Variants in GALNT15 observed in about 807,000 individuals in gnomAD.
GALNT15 encodes the protein UDP-GalNAc transferase T15.
Under a neutral mutation model 66.8 loss-of-function variants are expected in GALNT15, and 67 were observed. That is an observed-to-expected ratio of 1.00 (90% CI 0.82 to 1.23). The LOEUF (loss-of-function observed/expected upper bound fraction) is 1.23. Among genes scored for constraint, GALNT15 ranks in the 50% most tolerant of loss-of-function variants. The pLI, the probability that GALNT15 is intolerant of heterozygous loss-of-function variation, is 0.00. For synonymous variants in GALNT15, 313 were observed against 311.5 expected, an observed-to-expected ratio of 1.00 and a Z score of -0.05; for missense variants, 827 against 804.3, an observed-to-expected ratio of 1.03 and a Z score of -0.34.
At chr3:16,215,916 A>AAACAACAAAAAAAAAAAAAAAAC (rs1019009823) in intron 6 of GALNT15, among the ~76,000 whole-genome samples, 27 of 143,530 alleles carry the variant, frequency 1.9e-4, no homozygotes, top group South Asian at 9.9e-4. Context: ...CAAAAAAAAA[A>AAACAACAAAAAAAAAAAAAAAAC]AAAAAAAAAG....
chr3:16,210,606 T>C (rs2063801874), intron 4 of GALNT15, among the ~76,000 whole-genome samples: 1 of 152,218 alleles, frequency 6.6e-6, no homozygotes, highest in South Asian at 2.1e-4. Flanking sequence ...ATAAATCATG[T>C]ATTTTTCCCC....
At chr3:16,208,397 A>G in intron 3 of GALNT15, 106 bp from the exon 4 acceptor site, 1 of 1,050,450 alleles carries the variant, frequency 9.5e-7, no homozygotes, top group Non-Finnish European at 1.4e-6. Flanking sequence ...CATTTTAGGT[A>G]CGGGTGTCTG....
the GALNT15 span, among the ~76,000 whole-genome samples, chr3:16,247,884 C>T: frequency 3.9e-5 from 6 of 152,118 alleles, no homozygotes; most frequent in Non-Finnish European, 5.9e-5. Context: ...GACACGTCAC[C>T]CAGCACACAC....
In GALNT15 at chr3:16,203,303, G is replaced by A. The variant is rs2063720961; in HGVS notation, c.911+2480G>A. Among the ~76,000 whole-genome samples, 2 of 151,922 alleles carry A rather than the reference G, an allele frequency of 1.3e-5. No homozygotes were observed. Among genetic ancestry groups the A allele is most frequent in the South Asian group, 2.1e-4 (1 of 4,816 alleles). ...GTCCCTCGTATCTGCTTCTCACATC[G>A]GGGCCCCATTTCCCAGAGCTAGGTG... On this transcript the variant is annotated intron_variant, in intron 3 of 9. Coordinates refer to ENST00000339732, the MANE Select transcript of GALNT15 (RefSeq NM_054110.5). This position sits in a 1 kb window ranked among gnomAD's most constrained non-coding sequence, Gnocchi z 6.2.
chr3:16,211,226 C>G lies in GALNT15; in HGVS notation c.1182C>G (p.Leu394=). 6.2e-7 allele frequency: 1 copy of G among 1,610,108 alleles called. No individual in the cohort carries two copies. Among genetic ancestry groups the G allele is most frequent in the Non-Finnish European group, 8.5e-7 (1 of 1,176,398 alleles). ...TGTCGCTGCGAGGTGGTGAAAACCT[C>G]GAACTGTCTTTCAAGGTATGTCCTG... ...SLMSLRGGEN[L]ELSFKAWLCG... is the part of the protein sequence containing the mutation. Residue 394 remains leucine, a synonymous_variant, in exon 5 of 10, where the codon CTC becomes CTG. Coordinates refer to ENST00000339732, the MANE Select transcript of GALNT15 (RefSeq NM_054110.5). This position sits in a 1 kb window ranked among gnomAD's most constrained non-coding sequence, Gnocchi z 4.3.
intron 6 of GALNT15, among the ~76,000 whole-genome samples, chr3:16,218,267 C>G (rs532965091): frequency 1.3e-5 from 2 of 152,232 alleles, no homozygotes; most frequent in South Asian, 4.1e-4. Flanking sequence ...CCTGGTGGAC[C>G]CGTGTCTTAC....
intron 6 of GALNT15, among the ~76,000 whole-genome samples, chr3:16,214,821 G>A (rs1392539490): frequency 1.3e-5 from 2 of 152,224 alleles, no homozygotes; most frequent in African/African-American, 4.8e-5. Flanking sequence ...GAGCCCCTGA[G>A]GGTCAGGCTA....
chr3:16,245,512 A>T, the GALNT15 span, among the ~76,000 whole-genome samples: 1 of 152,244 alleles, frequency 6.6e-6, no homozygotes, highest in Non-Finnish European at 1.5e-5. Context: ...GGCTGGTCCT[A>T]CATCCTAAAC....
At chr3:16,197,713 A>G (rs1423467723) in intron 2 of GALNT15, among the ~76,000 whole-genome samples, 2 of 152,206 alleles carry the variant, frequency 1.3e-5, no homozygotes, top group African/African-American at 4.8e-5. Context: ...ACACCAAATC[A>G]TTAAATCAGA....
the GALNT15 span, among the ~76,000 whole-genome samples, chr3:16,247,792 A>G: frequency 6.6e-6 from 1 of 152,190 alleles, no homozygotes; most frequent in African/African-American, 2.4e-5. Flanking sequence ...CCTCGACCTC[A>G]GTCTGCTGTC....
At chr3:16,185,752 T>C (rs780847806) in intron 1 of GALNT15, among the ~76,000 whole-genome samples, 28 of 21,638 alleles carry the variant, frequency 1.3e-3, no homozygotes, top group Admixed American at 3.4e-3. Context: ...GACAGACAGA[T>C]AGATAGATAG....
At position 16,184,521 on chromosome 3, in the gene GALNT15, C is replaced by T. The variant is rs1272715423; in HGVS notation, c.539+8831C>T. On this transcript the variant is annotated intron_variant, in intron 1 of 9. Transcript: ENST00000339732. The surrounding 1 kb of genome is among the most constrained non-coding windows in gnomAD (Gnocchi z 5.0). Reference sequence around the variant, plus strand: ...CACTCTCTCTCTGGGCTGTGTCCTACCCACCCTTCAGGTCTTGGCTTTGAT... The same window carrying T: ...CACTCTCTCTCTGGGCTGTGTCCTATCCACCCTTCAGGTCTTGGCTTTGAT... 6.6e-6 allele frequency among the ~76,000 whole-genome samples: 1 copy of T among 152,214 alleles called. No homozygotes were observed. Among genetic ancestry groups the T allele is most frequent in the Non-Finnish European group, 1.5e-5 (1 of 68,034 alleles).
rs34201320 is a variant in GALNT15, at chr3:16,226,050, GAAAAAA to G, written c.1774-1294_1774-1289del. Reference sequence around the variant, plus strand: ...GGTGACAGAGCAAGACTCCTTCTTGGAAAAAAAAAAAAAAATTACACAAAGTGAAAG... The same window carrying G: ...GGTGACAGAGCAAGACTCCTTCTTGGAAAAAAAAATTACACAAAGTGAAAG... On this transcript the variant is annotated intron_variant, in intron 9 of 9. Transcript: ENST00000339732. Among the ~76,000 whole-genome samples, 5 of 139,794 alleles carry G rather than the reference GAAAAAA, an allele frequency of 3.6e-5. No individual in the cohort carries two copies. In the South Asian group the frequency reaches 1.1e-3, roughly 32 times the overall value. 91.7% of individuals were successfully genotyped at this position (139,794 alleles called of 152,430 possible). A position where few individuals can be genotyped will look rare whatever the true frequency, so the allele number is the denominator to read the frequency against.
intron 6 of GALNT15, among the ~76,000 whole-genome samples, chr3:16,213,975 T>C (rs1311122842): frequency 2.0e-5 from 3 of 152,310 alleles, no homozygotes; most frequent in East Asian, 3.9e-4. Flanking sequence ...TTTGTTTCTT[T>C]AGCTGGGGAG....
chr3:16,237,260 A>G, the GALNT15 span, among the ~76,000 whole-genome samples: 2 of 152,302 alleles, frequency 1.3e-5, no homozygotes, highest in African/African-American at 4.8e-5. The surrounding 1 kb of genome is among the most constrained non-coding windows in gnomAD (Gnocchi z 4.2). Context: ...CAGGCCAACA[A>G]ACCTTACTCC....
chr3:16,177,693 C>G (rs1325099960), intron 1 of GALNT15, among the ~76,000 whole-genome samples: 2 of 152,186 alleles, frequency 1.3e-5, no homozygotes, highest in Non-Finnish European at 1.5e-5. Context: ...CATTGTTCAT[C>G]TGGGTGTGTG....
Position 16,203,549 on chromosome 3 carries a change from A to T in GALNT15, c.911+2726A>T, listed in dbSNP as rs370605040. Among the ~76,000 whole-genome samples, 79 of 59,230 alleles carry T rather than the reference A, an allele frequency of 1.3e-3. No homozygotes were observed. The highest frequency in any genetic ancestry group is 8.8e-3 in the Middle Eastern group (1 of 114). The allele number at this position is 59,230 out of a possible 152,430, so 38.9% of individuals were successfully genotyped here. On this transcript the variant is annotated intron_variant, in intron 3 of 9. Transcript: ENST00000339732. This position sits in a 1 kb window ranked among gnomAD's most constrained non-coding sequence, Gnocchi z 6.2. ...CTCTCTCTCTCTCTCTCTCTCACAC[A>T]CACACACACACACACACACACACAC...
chr3:16,227,616 A>C lies in GALNT15; in HGVS notation c.*116A>C. The C allele has an allele frequency of 6.4e-7, 1 of 1,561,512 alleles. No homozygotes were observed. Among genetic ancestry groups the C allele is most frequent in the Non-Finnish European group, 8.6e-7 (1 of 1,161,038 alleles). ...CTTTTGTGTGTGTGCTCCTGGTGTT[A>C]GGAGAGAAAAAAGCTCTATGAAAGA... On this transcript the variant is annotated 3_prime_UTR_variant, in exon 10 of 10. Coordinates refer to ENST00000339732, the MANE Select transcript of GALNT15 (RefSeq NM_054110.5). This position sits in a 1 kb window ranked among gnomAD's most constrained non-coding sequence, Gnocchi z 4.5.
intron 9 of GALNT15, among the ~76,000 whole-genome samples, chr3:16,226,876 C>A (rs1441898722): frequency 6.6e-6 from 1 of 152,184 alleles, no homozygotes; most frequent in Non-Finnish European, 1.5e-5. Flanking sequence ...CAGGGAATAG[C>A]CATGGTCTTC....
Sources: gnomAD v4.1 joint callset for allele counts (sites outside exome capture counted in the v4.1 genomes callset) on GRCh38, gnomAD v4.1.1 for gene constraint, Gnocchi (gnomAD v3.1) non-coding constraint, MANE v1.5 for transcripts, NCBI Gene and HGNC (gene_info 2026-07-23, HGNC 2026-07-21) for gene names.